The following DSE variants were observed in gnomAD, a reference collection of about 807,000 sequenced individuals.
DSE encodes the protein dermatan-sulfate epimerase.
Under a neutral mutation model 84.4 loss-of-function variants are expected in DSE, and 36 were observed. The observed-to-expected ratio is 0.43, with a 90% CI of 0.33 to 0.56. DSE has a LOEUF of 0.56. DSE is among the 20% of genes least tolerant of loss of function. DSE has a pLI of 0.06. For missense variants in DSE, 862 were observed against 1,169.6 expected (o/e 0.74, Z 3.84); for synonymous variants, 410 against 430.1 (o/e 0.95, Z 0.58).
chr6:116,260,474 C>T (rs1162736537), intron 2 of DSE, among the ~76,000 whole-genome samples: 4 of 152,148 alleles, frequency 2.6e-5, no homozygotes, highest in Admixed American at 6.5e-5. Flanking sequence ...TGTGCAGAAG[C>T]TCTTTAGTTT....
chr6:116,364,308 G>A (rs1039441383), intron 2 of DSE, among the ~76,000 whole-genome samples: 2 of 152,138 alleles, frequency 1.3e-5, no homozygotes, highest in Non-Finnish European at 2.9e-5. Context: ...AAGAAAACAT[G>A]GAAAAAGAAC....
chr6:116,416,453 A>G (rs1782720261), intron 2 of DSE, among the ~76,000 whole-genome samples: 1 of 151,728 alleles, frequency 6.6e-6, no homozygotes. Context: ...TCATTGGGAA[A>G]TACTTGGTGT....
chr6:116,330,992 T>C (rs1250903140), intron 2 of DSE, among the ~76,000 whole-genome samples: 2 of 152,196 alleles, frequency 1.3e-5, no homozygotes, highest in African/African-American at 4.8e-5. Flanking sequence ...ACTGAGAATT[T>C]ATGACATTAA....
At position 116,437,962 on chromosome 6, in the gene DSE, T is replaced by C. The variant is rs1447682874; in HGVS notation, c.*617T>C. The C allele has an allele frequency of 2.0e-5, 3 of 152,406 alleles. No individual in the cohort carries two copies. Among genetic ancestry groups the C allele is most frequent in the Non-Finnish European group, 4.4e-5 (3 of 68,004 alleles). 9.4% of individuals were successfully genotyped at this position (152,406 alleles called of 1,614,324 possible). A position where few individuals can be genotyped will look rare whatever the true frequency, so the allele number is the denominator to read the frequency against. ...AGATCATTAAAAACTTAAAATATATTTTATTAGAAAACATTTATCTATGAA... is the reference window on the plus strand; with the variant it reads ...AGATCATTAAAAACTTAAAATATATCTTATTAGAAAACATTTATCTATGAA... On this transcript the variant is annotated 3_prime_UTR_variant, in exon 6 of 6. Transcript: ENST00000644252.
chr6:116,383,370 G>A (rs1780362311), intron 1 of DSE, among the ~76,000 whole-genome samples: 1 of 152,116 alleles, frequency 6.6e-6, no homozygotes, highest in African/African-American at 2.4e-5. Flanking sequence ...TGGGTAGGGT[G>A]GGTATGAAAG....
rs1346288766 is a variant in DSE at position 116,381,623 on chromosome 6, AT to A, written c.-54+10504del. 7.2e-5 allele frequency among the ~76,000 whole-genome samples: 11 copies of A among 152,252 alleles called. No homozygotes were observed. In the East Asian group the frequency reaches 2.1e-3, roughly 29 times the overall value. Reference sequence around the variant, plus strand: ...AGATACAAATTATACAAGTAACTGCATTATGGGGCTGTGGTAAGGATTAAAT... The same window carrying A: ...AGATACAAATTATACAAGTAACTGCATATGGGGCTGTGGTAAGGATTAAAT... On this transcript the variant is annotated intron_variant, in intron 1 of 5. Transcript: ENST00000644252.
intron 2 of DSE, among the ~76,000 whole-genome samples, chr6:116,347,966 C>A (rs1778088317): frequency 6.6e-6 from 1 of 152,080 alleles, no homozygotes; most frequent in African/African-American, 2.4e-5. Flanking sequence ...TCAAACAACC[C>A]CATCAAAAAG....
At chr6:116,384,274 A>G (rs1488143218) in intron 1 of DSE, among the ~76,000 whole-genome samples, 2 of 152,184 alleles carry the variant, frequency 1.3e-5, no homozygotes, top group East Asian at 1.9e-4. Context: ...CCCATGCAAG[A>G]TGGGCCGAAA....
At position 116,436,424 on chromosome 6, in the gene DSE, C is replaced by T. The variant is rs1423112667; in HGVS notation, c.1956C>T (p.His652=). Residue 652 remains histidine, a synonymous_variant, in exon 6 of 6, where the codon CAC becomes CAT. Transcript: ENST00000644252. ...NGTNYVNVTM[H]LRSPITRAAY... is the part of the protein sequence containing the mutation. ...CAAACTATGTGAATGTCACCATGCA[C>T]CTCCGAAGTCCCATCACCAGGGCAG... is the stretch of plus-strand genomic sequence containing the variant. 1.2e-6 allele frequency: 2 copies of T among 1,614,032 alleles called. No homozygotes were observed. The highest frequency in any genetic ancestry group is 1.3e-5 in the African/African-American group (1 of 74,920).
upstream of DSE, among the ~76,000 whole-genome samples, chr6:116,368,947 G>GTC (rs1250981102): frequency 1.3e-5 from 2 of 151,836 alleles, no homozygotes; most frequent in East Asian, 1.9e-4. Flanking sequence ...GGGGGACGGG[G>GTC]GGGGCTTTGC....
chr6:116,307,490 A>G (rs1337219360), intron 2 of DSE, among the ~76,000 whole-genome samples: 1 of 152,212 alleles, frequency 6.6e-6, no homozygotes, highest in Non-Finnish European at 1.5e-5. Flanking sequence ...TTCTTCATAC[A>G]TTTTATATGG....
Position 116,436,873 on chromosome 6 carries a change from A to T in DSE, c.2405A>T (p.Gln802Leu), listed in dbSNP as rs150197356. 5.0e-6 allele frequency: 8 copies of T among 1,614,152 alleles called. No individual in the cohort carries two copies. The South Asian group carries it at 7.7e-5, about 16-fold the overall frequency. ...TTTGCCATATCACAGCAACAGCAGC[A>T]GCAAAGCAAGTCAAAGAAAAACCGA... is the stretch of plus-strand genomic sequence containing the variant. ...RIFAISQQQQQQSKSKKNRRA... is the reference protein window; with the variant it reads ...RIFAISQQQQLQSKSKKNRRA... Residue 802 changes from glutamine to leucine, a missense_variant, in exon 6 of 6, where the codon CAG becomes CTG. Physicochemically the swap from Gln to Leu is moderately radical, Grantham distance 113. Coordinates refer to ENST00000644252, the MANE Select transcript of DSE (RefSeq NM_013352.4).
At chr6:116,397,207 C>CTT (rs11296951) in intron 1 of DSE, among the ~76,000 whole-genome samples, 15 of 105,164 alleles carry the variant, frequency 1.4e-4, no homozygotes, top group East Asian at 2.4e-4. Context: ...CTCTTTCTTT[C>CTT]TTTTTTTTTT....
intron 2 of DSE, among the ~76,000 whole-genome samples, chr6:116,334,352 A>G (rs1469310997): frequency 6.6e-6 from 1 of 152,182 alleles, no homozygotes; most frequent in East Asian, 1.9e-4. Context: ...TTATTTTTCC[A>G]TTTGAAGTGA....
At chr6:116,299,717 T>C (rs1774923083) in intron 2 of DSE, among the ~76,000 whole-genome samples, 1 of 151,774 alleles carries the variant, frequency 6.6e-6, no homozygotes, top group South Asian at 2.1e-4. Context: ...GTTTGAACAA[T>C]ACTATTCACA....
rs369902753 is a variant in DSE, at chr6:116,311,918, C to T, written c.-54+52951C>T. ...GCAGGGACTTGACAGTCTTATTTGC[C>T]GCTGCATTCCCAGGGCCTCCAACAG... On this transcript the variant is annotated intron_variant, in intron 2 of 3. Coordinates refer to the DSE transcript ENST00000430252. Among the ~76,000 whole-genome samples, 24 of 151,918 alleles carry T rather than the reference C, an allele frequency of 1.6e-4. 1 individual carries two copies. Among genetic ancestry groups the T allele is most frequent in the East Asian group, 9.6e-4 (5 of 5,192 alleles).
chr6:116,303,194 C>T (rs565575451), intron 2 of DSE, among the ~76,000 whole-genome samples: 2 of 152,040 alleles, frequency 1.3e-5, no homozygotes, highest in African/African-American at 4.8e-5. Context: ...ACCTCCACCC[C>T]TCCCCTCAAC....
chr6:116,329,120 C>T (rs779158054), intron 2 of DSE, among the ~76,000 whole-genome samples: 3 of 152,050 alleles, frequency 2.0e-5, no homozygotes, highest in East Asian at 3.8e-4. Context: ...CTGAATATTA[C>T]GTTTTTATTA....
At chr6:116,382,071 G>GTGTC (rs372457142) in intron 1 of DSE, among the ~76,000 whole-genome samples, 1 of 148,082 alleles carries the variant, frequency 6.8e-6, no homozygotes, top group African/African-American at 2.5e-5. Context: ...GTGTGTGTGT[G>GTGTC]TCTCCAAATT....
Sources: gnomAD v4.1 joint callset for allele counts (sites outside exome capture counted in the v4.1 genomes callset) on GRCh38, gnomAD v4.1.1 for gene constraint, MANE v1.5 for transcripts, NCBI Gene and HGNC (gene_info 2026-07-23, HGNC 2026-07-21) for gene names.